The following GRIK1 variants were observed in gnomAD, a reference collection of about 807,000 sequenced individuals.
GRIK1 encodes glutamate ionotropic receptor kainate type subunit 1.
In GRIK1, 69 loss-of-function variants were observed where a neutral mutation model predicts 105.7. The ratio of observed to expected loss-of-function variants is 0.65; its 90% CI spans 0.54 to 0.80. The LOEUF is 0.80. GRIK1 is among the 30% of genes least tolerant of loss of function. The probability of loss-of-function intolerance (pLI) is 0.00; values close to 1 mark genes in which losing one functional copy is unlikely to be tolerated. For synonymous variants in GRIK1, 438 were observed against 431.3 expected (o/e 1.02, Z -0.19); for missense variants, 1,109 against 1,167.3 (o/e 0.95, Z 0.73).
At chr21:29,898,491 T>C (rs897129543) in intron 1 of GRIK1, among the ~76,000 whole-genome samples, 18 of 152,144 alleles carry the variant, frequency 1.2e-4, no homozygotes, top group African/African-American at 4.1e-4. Context: ...ATAAGCTTGG[T>C]CTTAGACTAT....
intron 16 of GRIK1, among the ~76,000 whole-genome samples, chr21:29,541,396 A>G (rs922835643): frequency 3.3e-5 from 5 of 152,152 alleles, no homozygotes; most frequent in African/African-American, 1.2e-4. Flanking sequence ...CAGTTTCCTT[A>G]TGTATAAAGT....
chr21:29,717,895 C>T (rs145975236), intron 1 of GRIK1, among the ~76,000 whole-genome samples: 1 of 152,194 alleles, frequency 6.6e-6, no homozygotes, highest in African/African-American at 2.4e-5. Context: ...ATTTTAGTTC[C>T]CATAATTACC....
intron 1 of GRIK1, among the ~76,000 whole-genome samples, chr21:29,749,610 A>G (rs924470366): frequency 6.6e-6 from 1 of 152,202 alleles, no homozygotes; most frequent in African/African-American, 2.4e-5. Context: ...TTGGGTCTTT[A>G]TCAGCAGGAG....
chr21:29,866,259 T>C (rs2068798075), intron 1 of GRIK1, among the ~76,000 whole-genome samples: 1 of 152,078 alleles, frequency 6.6e-6, no homozygotes, highest in African/African-American at 2.4e-5. Context: ...CTAACTTTTG[T>C]AATTTTTTGT....
At chr21:29,886,950 G>C (rs747181666) in intron 1 of GRIK1, among the ~76,000 whole-genome samples, 1 of 152,154 alleles carries the variant, frequency 6.6e-6, no homozygotes, top group Non-Finnish European at 1.5e-5. Flanking sequence ...AAGTTAAAGA[G>C]AGACACCTTA....
intron 1 of GRIK1, among the ~76,000 whole-genome samples, chr21:29,748,576 C>A (rs2065103415): frequency 6.6e-6 from 1 of 152,184 alleles, no homozygotes; most frequent in African/African-American, 2.4e-5. Context: ...ATTTTTATGA[C>A]CCAAACTCTG....
chr21:29,904,705 C>G lies in GRIK1; in HGVS notation c.118+34678G>C, dbSNP rs182550199. On this transcript the variant is annotated intron_variant, in intron 1 of 17. Transcript: ENST00000327783. Reference sequence around the variant, plus strand: ...CCAGGATGGGCCCTTCTGAACTCCCCGGAAGCATGTGGCAGAGCTATGGAA... The same window carrying G: ...CCAGGATGGGCCCTTCTGAACTCCCGGGAAGCATGTGGCAGAGCTATGGAA... Among the ~76,000 whole-genome samples, 986 of 152,206 alleles carry G rather than the reference C, an allele frequency of 6.5e-3. 11 individuals are homozygous for G. Among genetic ancestry groups the G allele is most frequent in the African/African-American group, 0.023 (935 of 41,514 alleles).
chr21:29,787,718 G>T (rs1162290960), intron 1 of GRIK1, among the ~76,000 whole-genome samples: 2 of 152,140 alleles, frequency 1.3e-5, no homozygotes. Flanking sequence ...GACGCACCAC[G>T]ATTCTTCATA....
rs919522229 is a variant in GRIK1 at position 29,650,932 on chromosome 21, G to C, written c.954+186C>G. Reference sequence around the variant, plus strand: ...GGCAAGTACATCCAGGAAGCTAAAAGTAGCAGTTTTTGCTAGTAGCCAGTC... The same window carrying C: ...GGCAAGTACATCCAGGAAGCTAAAACTAGCAGTTTTTGCTAGTAGCCAGTC... On this transcript the variant is annotated intron_variant, in intron 6 of 17. Coordinates refer to ENST00000327783, the MANE Select transcript of GRIK1 (RefSeq NM_001330994.2). Among the ~76,000 whole-genome samples, 38 of 152,224 alleles carry C rather than the reference G, an allele frequency of 2.5e-4. 1 individual carries two copies. Among genetic ancestry groups the C allele is most frequent in the African/African-American group, 6.3e-4 (26 of 41,448 alleles).
At chr21:29,673,386 C>A (rs1317328777) in intron 3 of GRIK1, among the ~76,000 whole-genome samples, 4 of 152,108 alleles carry the variant, frequency 2.6e-5, no homozygotes, top group Non-Finnish European at 5.9e-5. Context: ...TTCCCAGGAG[C>A]ATTTTAAATT....
At chr21:29,748,352 T>C (rs2065097594) in intron 1 of GRIK1, 1 of 152,262 alleles carries the variant, frequency 6.6e-6, no homozygotes, top group East Asian at 1.9e-4. Context: ...ATCCTTGGCA[T>C]CAGGAAAGTC....
At chr21:29,896,770 T>A (rs1189502636) in intron 1 of GRIK1, among the ~76,000 whole-genome samples, 3 of 152,162 alleles carry the variant, frequency 2.0e-5, no homozygotes, top group Non-Finnish European at 2.9e-5. Context: ...CTTGGGTCAC[T>A]ATTGGTGATG....
chr21:29,745,316 G>A (rs2065024621), intron 1 of GRIK1, among the ~76,000 whole-genome samples: 1 of 152,166 alleles, frequency 6.6e-6, no homozygotes, highest in Non-Finnish European at 1.5e-5. Context: ...TGAAACTGCA[G>A]ATGAGACTTT....
intron 1 of GRIK1, among the ~76,000 whole-genome samples, chr21:29,928,487 C>A (rs1261711235): frequency 6.6e-6 from 1 of 152,072 alleles, no homozygotes; most frequent in Admixed American, 6.6e-5. Context: ...AGTGGAGGAC[C>A]ATAGTGTACA....
At position 29,591,178 on chromosome 21, in the gene GRIK1, G is replaced by A; in HGVS notation, c.1299C>T (p.Asn433=). 1.2e-6 allele frequency: 2 copies of A among 1,611,604 alleles called. No individual in the cohort carries two copies. Among genetic ancestry groups the A allele is most frequent in the Non-Finnish European group, 1.7e-6 (2 of 1,177,712 alleles). ...SNSGLNMTDS[N]KDKSSNITDS... ...CAGTGATATTGCTGGACTTGTCTTT[G>A]TTGCTGTCCGTCATGTTAAGCCCAC... The change falls in exon 10 of 18, where the codon AAC becomes AAT. Residue 433 remains asparagine (N), a synonymous_variant. Coordinates refer to ENST00000327783, the MANE Select transcript of GRIK1 (RefSeq NM_001330994.2).
At chr21:29,904,048 C>G (rs998738784) in intron 1 of GRIK1, among the ~76,000 whole-genome samples, 3 of 152,134 alleles carry the variant, frequency 2.0e-5, no homozygotes, top group African/African-American at 7.2e-5. Flanking sequence ...ACTGCATGTT[C>G]TCACTCATAA....
chr21:29,932,652 A>G (rs955389356), intron 1 of GRIK1, among the ~76,000 whole-genome samples: 1 of 152,070 alleles, frequency 6.6e-6, no homozygotes, highest in African/African-American at 2.4e-5. Flanking sequence ...GGGAGTTTCC[A>G]ATTTGATACA....
intron 10 of GRIK1, among the ~76,000 whole-genome samples, chr21:29,590,677 G>T (rs2061320177): frequency 6.6e-6 from 1 of 152,210 alleles, no homozygotes; most frequent in South Asian, 2.1e-4. Context: ...CAGTGCCACT[G>T]ATGGGCAGAA....
At chr21:29,771,090 A>G (rs1010350703) in intron 1 of GRIK1, among the ~76,000 whole-genome samples, 4 of 152,240 alleles carry the variant, frequency 2.6e-5, no homozygotes, top group African/African-American at 9.6e-5. Flanking sequence ...AACTCTATCA[A>G]AATATGCATA....
Sources: gnomAD v4.1 joint callset for allele counts (sites outside exome capture counted in the v4.1 genomes callset) on GRCh38, gnomAD v4.1.1 for gene constraint, MANE v1.5 for transcripts, NCBI Gene and HGNC (gene_info 2026-07-23, HGNC 2026-07-21) for gene names.